The following OR8J1 variants were observed in gnomAD, a reference collection of about 807,000 sequenced individuals.
OR8J1 encodes the protein olfactory receptor 8J1.
For missense variants in OR8J1, 400 were observed against 373.0 expected, an observed-to-expected ratio of 1.07 and a Z score of -0.60; for synonymous variants, 157 against 144.3, an observed-to-expected ratio of 1.09 and a Z score of -0.63.
At position 56,360,678 on chromosome 11, in the gene OR8J1, GGTCT is replaced by G; in HGVS notation, c.433_436del (p.Val145ProfsTer28). ...TGTCTCGGCGGCTCTGCCTCCTGCT[GGTCT>G]CCCTCACATACCTCTATGGCTTTTC... On this transcript the variant is annotated frameshift_variant, in exon 2 of 2. Coordinates refer to ENST00000533152, the MANE Select transcript of OR8J1 (RefSeq NM_001005205.3). LOFTEE classifies it low-confidence loss of function (END_TRUNC). 1 of 1,611,794 alleles carries G rather than the reference GGTCT, an allele frequency of 6.2e-7. No homozygotes were observed. Among genetic ancestry groups the G allele is most frequent in the East Asian group, 2.2e-5 (1 of 44,834 alleles).
chr11:56,360,696 C>G lies in OR8J1; in HGVS notation c.450C>G (p.Leu150=). Residue 150 remains leucine, a synonymous_variant, in exon 2 of 2, where the codon CTC becomes CTG. Transcript: ENST00000533152. Reference sequence around the variant, plus strand: ...TCCTGCTGGTCTCCCTCACATACCTCTATGGCTTTTCTACAGCTATTGTGG... The same window carrying G: ...TCCTGCTGGTCTCCCTCACATACCTGTATGGCTTTTCTACAGCTATTGTGG... ...LCLLLVSLTY[L]YGFSTAIVVS... is the part of the protein sequence containing the mutation. 1 of 1,612,488 alleles carries G rather than the reference C, an allele frequency of 6.2e-7. No homozygotes were observed. The highest frequency in any genetic ancestry group is 8.5e-7 in the Non-Finnish European group (1 of 1,179,478).
At chr11:56,358,980 T>G (rs1310335519) in intron 1 of OR8J1, among the ~76,000 whole-genome samples, 1 of 152,174 alleles carries the variant, frequency 6.6e-6, no homozygotes, top group Admixed American at 6.5e-5. Context: ...CACTGCAGGA[T>G]AGTTTTCTAT....
At chr11:56,360,191 C>A (rs1852614113) in intron 1 of OR8J1, 36 bp from the exon 2 acceptor site, 6 of 1,411,978 alleles carry the variant, frequency 4.2e-6, no homozygotes, top group Non-Finnish European at 4.8e-6. Context: ...GCAAATAATT[C>A]TTTAAAGTTT....
intron 1 of OR8J1, among the ~76,000 whole-genome samples, chr11:56,357,008 C>T (rs574535075): frequency 6.6e-6 from 1 of 152,182 alleles, no homozygotes; most frequent in East Asian, 1.9e-4. Context: ...AGGAGATCAT[C>T]TTGTTTCTGC....
chr11:56,356,280 G>A (rs1364386620), intron 1 of OR8J1, among the ~76,000 whole-genome samples: 1 of 152,156 alleles, frequency 6.6e-6, no homozygotes, highest in African/African-American at 2.4e-5. Context: ...TTAGCAAATA[G>A]TGCAATCTTG....
At chr11:56,358,616 A>G (rs1852591700) in intron 1 of OR8J1, among the ~76,000 whole-genome samples, 1 of 152,210 alleles carries the variant, frequency 6.6e-6, no homozygotes, top group South Asian at 2.1e-4. Context: ...ATTAAAAAAG[A>G]CCTTCCCATA....
chr11:56,360,961 T>C lies in OR8J1; in HGVS notation c.715T>C (p.Ser239Pro). The change falls in exon 2 of 2, where the codon TCT (serine) becomes CCT (proline). Residue 239 changes from serine to proline, a missense_variant. Coordinates refer to ENST00000533152, the MANE Select transcript of OR8J1 (RefSeq NM_001005205.3). ...ATCAGAAGGAAGGAAAAAAGCCTTT[T>C]CTACCTGTGCTTCACATATGATGGC... ...CSSEGRKKAF[S>P]TCASHMMAVT... 1 of 1,482,016 alleles carries C rather than the reference T, an allele frequency of 6.7e-7. No homozygotes were observed. The highest frequency in any genetic ancestry group is 8.9e-7 in the Non-Finnish European group (1 of 1,120,414). The allele number at this position is 1,482,016 out of a possible 1,614,324, so 91.8% of individuals were successfully genotyped here. A position where few individuals can be genotyped will look rare whatever the true frequency, so the allele number is the denominator to read the frequency against.
chr11:56,359,852 A>T (rs1852609092), intron 1 of OR8J1, among the ~76,000 whole-genome samples: 1 of 152,290 alleles, frequency 6.6e-6, no homozygotes, highest in East Asian at 1.9e-4. Context: ...TAGAAATTGG[A>T]TTATTTGCAG....
At chr11:56,358,892 TGTTTG>T in intron 1 of OR8J1, among the ~76,000 whole-genome samples, 1 of 152,292 alleles carries the variant, frequency 6.6e-6, no homozygotes, top group Non-Finnish European at 1.5e-5. Flanking sequence ...AAAAGTGTGA[TGTTTG>T]GTTTGAGAAT....
chr11:56,357,440 G>A (rs879247068), intron 1 of OR8J1: 2 of 897,996 alleles, frequency 2.2e-6, no homozygotes, highest in Non-Finnish European at 3.7e-6. Context: ...TGGTGATACA[G>A]GATAAAAATA....
chr11:56,360,063 A>G (rs1310035982), intron 1 of OR8J1, among the ~76,000 whole-genome samples, 164 bp from the exon 2 acceptor site: 3 of 152,234 alleles, frequency 2.0e-5, no homozygotes, highest in Non-Finnish European at 2.9e-5. Context: ...TGTCTCTGAA[A>G]TAATTACCAA....
In OR8J1 at chr11:56,355,890, G is replaced by A. The variant is rs377442539; in HGVS notation, c.-21+1565G>A. Among the ~76,000 whole-genome samples, 6 of 152,204 alleles carry A rather than the reference G, an allele frequency of 3.9e-5. No individual in the cohort carries two copies. In the South Asian group the frequency reaches 1.0e-3, roughly 26 times the overall value. On this transcript the variant is annotated intron_variant, in intron 1 of 1. Transcript: ENST00000533152. ...TATGGAGCCACTGCTACAAATGGTGGACAAACTTTGCAGAGAAGATTCTAC... is the reference window on the plus strand; with the variant it reads ...TATGGAGCCACTGCTACAAATGGTGAACAAACTTTGCAGAGAAGATTCTAC...
At chr11:56,355,390 C>G (rs892657183) in intron 1 of OR8J1, among the ~76,000 whole-genome samples, 1 of 152,050 alleles carries the variant, frequency 6.6e-6, no homozygotes, top group African/African-American at 2.4e-5. Flanking sequence ...AATCCCAGCA[C>G]TTTGGGAGGC....
intron 1 of OR8J1, chr11:56,357,566 C>T (rs61737622): frequency 6.9e-5 from 67 of 975,190 alleles, no homozygotes; most frequent in East Asian, 2.4e-4. Flanking sequence ...CACATGCACA[C>T]GAACTGCCAA....
chr11:56,355,978 A>T (rs1379454187), intron 1 of OR8J1, among the ~76,000 whole-genome samples: 1 of 152,218 alleles, frequency 6.6e-6, no homozygotes, highest in Non-Finnish European at 1.5e-5. Flanking sequence ...GAAGGTCAGA[A>T]ATAAAAATAT....
intron 1 of OR8J1, chr11:56,357,754 GC>G: frequency 6.5e-7 from 1 of 1,530,950 alleles, no homozygotes; most frequent in Non-Finnish European, 8.9e-7. Context: ...GCCTTTACCT[GC>G]TATTTGGGTG....
rs572593768 is a variant in OR8J1 at position 56,359,816 on chromosome 11, T to C, written c.-20-411T>C. Among the ~76,000 whole-genome samples, 6 of 152,282 alleles carry C rather than the reference T, an allele frequency of 3.9e-5. No homozygotes were observed. In the South Asian group the frequency reaches 1.2e-3, roughly 32 times the overall value. On this transcript the variant is annotated intron_variant, in intron 1 of 1. Coordinates refer to ENST00000533152, the MANE Select transcript of OR8J1 (RefSeq NM_001005205.3). ...GATAGTACCTAGAATCACCCATTCC[T>C]AAGAAAAAGCAAGAAGTCTCAAATT...
intron 1 of OR8J1, among the ~76,000 whole-genome samples, chr11:56,356,439 G>A (rs955906680): frequency 1.5e-4 from 23 of 152,148 alleles, no homozygotes; most frequent in African/African-American, 5.5e-4. Flanking sequence ...CAATCTGTAA[G>A]CATTTACATT....
rs1852636508 is a variant in OR8J1 at position 56,361,361 on chromosome 11, C to T, written c.*164C>T. The T allele has an allele frequency of 2.5e-6, 1 of 397,566 alleles. No individual in the cohort carries two copies. The highest frequency in any genetic ancestry group is 1.4e-4 in the South Asian group (1 of 7,036). The allele number at this position is 397,566 out of a possible 1,614,324, so 24.6% of individuals were successfully genotyped here. A position where few individuals can be genotyped will look rare whatever the true frequency, so the allele number is the denominator to read the frequency against. ...AGGGAGCTTTGAATTAAAAAATAAA[C>T]TGAAACCCTTTGAGTTGTGAGGTTA... On this transcript the variant is annotated 3_prime_UTR_variant, in exon 2 of 2. Coordinates refer to ENST00000533152, the MANE Select transcript of OR8J1 (RefSeq NM_001005205.3).
Sources: gnomAD v4.1 joint callset for allele counts (sites outside exome capture counted in the v4.1 genomes callset) on GRCh38, gnomAD v4.1.1 for gene constraint, MANE v1.5 for transcripts, NCBI Gene and HGNC (gene_info 2026-07-23, HGNC 2026-07-21) for gene names.